Variants in ZFAT observed in about 807,000 individuals in gnomAD.
The protein encoded by ZFAT is zinc finger protein ZFAT.
Under a neutral mutation model 117.7 loss-of-function variants are expected in ZFAT, and 64 were observed. The ratio of observed to expected loss-of-function variants is 0.54; its 90% CI spans 0.44 to 0.67. ZFAT has a LOEUF of 0.67. ZFAT is among the 30% of genes least tolerant of loss of function. The pLI, the probability that ZFAT is intolerant of heterozygous loss-of-function variation, is 0.00. For missense variants in ZFAT, 1,433 were observed against 1,584.5 expected, an observed-to-expected ratio of 0.90 and a Z score of 1.62; for synonymous variants, 679 against 615.0, an observed-to-expected ratio of 1.10 and a Z score of -1.54.
At chr8:134,511,897 G>A (rs1237552241) in intron 14 of ZFAT, among the ~76,000 whole-genome samples, 2 of 152,146 alleles carry the variant, frequency 1.3e-5, no homozygotes, top group African/African-American at 4.8e-5. Flanking sequence ...TTTCAGGTCT[G>A]CAAAGTGACC....
At chr8:134,561,214 G>C (rs1259316518) in intron 11 of ZFAT, among the ~76,000 whole-genome samples, 1 of 152,198 alleles carries the variant, frequency 6.6e-6, no homozygotes, top group African/African-American at 2.4e-5. Context: ...TCATCCTTAA[G>C]CAGCCATTAA....
chr8:134,656,108 C>T (rs970677484), intron 2 of ZFAT, among the ~76,000 whole-genome samples: 4 of 152,160 alleles, frequency 2.6e-5, no homozygotes, highest in African/African-American at 9.7e-5. Context: ...CACAAAGCTT[C>T]TGGCCAGGGG....
At chr8:134,635,797 T>G (rs2028556) in intron 3 of ZFAT, among the ~76,000 whole-genome samples, 1 of 151,952 alleles carries the variant, frequency 6.6e-6, no homozygotes, top group African/African-American at 2.4e-5. Flanking sequence ...TCCTTCCTCT[T>G]TCAACCATCT....
intron 8 of ZFAT, among the ~76,000 whole-genome samples, chr8:134,589,054 G>C (rs1260506930): frequency 6.6e-6 from 1 of 152,238 alleles, no homozygotes; most frequent in Non-Finnish European, 1.5e-5. Context: ...ACAAAATGTG[G>C]ATAACTGTGG....
At chr8:134,555,579 T>C (rs1823516743) in intron 11 of ZFAT, among the ~76,000 whole-genome samples, 1 of 152,088 alleles carries the variant, frequency 6.6e-6, no homozygotes, top group Admixed American at 6.5e-5. Context: ...CAGTCTACTG[T>C]TTTTTCACAT....
At chr8:134,584,146 A>T in intron 9 of ZFAT, 141 bp from the exon 10 acceptor site, 1 of 981,752 alleles carries the variant, frequency 1.0e-6, no homozygotes, top group Admixed American at 2.8e-5. Context: ...ACACAGCAGT[A>T]TACTTGCTTG....
intron 1 of ZFAT, among the ~76,000 whole-genome samples, chr8:134,695,816 A>G (rs10108317): frequency 7.3e-6 from 1 of 137,632 alleles, no homozygotes; most frequent in African/African-American, 2.8e-5. Context: ...CCAGGCCCTG[A>G]CTGCGTCTCT....
the ZFAT span, among the ~76,000 whole-genome samples, chr8:134,728,350 G>A: frequency 1.3e-5 from 2 of 151,956 alleles, no homozygotes; most frequent in Non-Finnish European, 2.9e-5. Flanking sequence ...TACGCAAGCA[G>A]ATATAGAAAC....
intron 3 of ZFAT, among the ~76,000 whole-genome samples, chr8:134,633,693 G>A (rs530985491): frequency 6.6e-6 from 1 of 152,324 alleles, no homozygotes; most frequent in African/African-American, 2.4e-5. Flanking sequence ...TGTGACCAAA[G>A]CCAACGGCTG....
At position 134,509,708 on chromosome 8, in the gene ZFAT, T is replaced by A. The variant is rs754448229; in HGVS notation, c.3403A>T (p.Ile1135Phe). The change falls in exon 15 of 16, where the codon ATC becomes TTC. Residue 1135 changes from isoleucine (I) to phenylalanine (F), a missense_variant. Coordinates refer to ENST00000377838, the MANE Select transcript of ZFAT (RefSeq NM_020863.4). ...DPTAVNILQQ[I>F]IELGAETHDA... is the part of the protein sequence containing the mutation. ...TGGGTCTCGGCGCCCAGCTCAATGATCTGCTGCAGGATGTTCACGGCCGTG... is the reference window on the plus strand; with the variant it reads ...TGGGTCTCGGCGCCCAGCTCAATGAACTGCTGCAGGATGTTCACGGCCGTG... 1 of 1,611,098 alleles carries A rather than the reference T, an allele frequency of 6.2e-7. No homozygotes were observed. The highest frequency in any genetic ancestry group is 8.5e-7 in the Non-Finnish European group (1 of 1,179,162).
At chr8:134,724,383 G>A in the ZFAT span, among the ~76,000 whole-genome samples, 2 of 152,154 alleles carry the variant, frequency 1.3e-5, no homozygotes, top group African/African-American at 2.4e-5. Context: ...CAGAAAGAAC[G>A]CATGCCCCTG....
At chr8:134,735,679 G>A in the ZFAT span, among the ~76,000 whole-genome samples, 5 of 152,066 alleles carry the variant, frequency 3.3e-5, no homozygotes, top group Admixed American at 2.6e-4. Context: ...GAGTGGGATT[G>A]TGTTTCATTT....
chr8:134,488,093 A>G (rs980941851), intron 15 of ZFAT, among the ~76,000 whole-genome samples: 3 of 152,226 alleles, frequency 2.0e-5, no homozygotes, highest in African/African-American at 7.2e-5. Context: ...AGGGTAGCTC[A>G]GGCACTGCGG....
At chr8:134,622,721 A>C (rs532526612) in intron 3 of ZFAT, among the ~76,000 whole-genome samples, 1 of 152,112 alleles carries the variant, frequency 6.6e-6, no homozygotes, top group East Asian at 1.9e-4. Context: ...ACTGGGTTTG[A>C]CCAGTGGAGG....
intron 11 of ZFAT, among the ~76,000 whole-genome samples, chr8:134,562,939 A>G (rs576661303): frequency 6.6e-5 from 10 of 152,328 alleles, no homozygotes; most frequent in South Asian, 4.1e-4. Flanking sequence ...CACAGTGTAA[A>G]CCAAGGAATG....
intron 3 of ZFAT, among the ~76,000 whole-genome samples, chr8:134,632,756 CA>C (rs1255346567): frequency 6.6e-6 from 1 of 151,816 alleles, no homozygotes; most frequent in African/African-American, 2.4e-5. Flanking sequence ...AATTAAAAGA[CA>C]AATGACAAAT....
chr8:134,527,044 C>T (rs1046304650), intron 12 of ZFAT, among the ~76,000 whole-genome samples: 5 of 151,076 alleles, frequency 3.3e-5, no homozygotes, highest in South Asian at 2.1e-4. Context: ...CTGGTTTCTC[C>T]GAGTGGGCCT....
At chr8:134,782,976 A>ACT in the ZFAT span, among the ~76,000 whole-genome samples, 1 of 150,540 alleles carries the variant, frequency 6.6e-6, no homozygotes, top group Non-Finnish European at 1.5e-5. Flanking sequence ...CAAATATGTA[A>ACT]ATATATATAT....
In ZFAT at chr8:134,602,021, C is replaced by T; in HGVS notation, c.1698G>A (p.Gln566=). The change falls in exon 6 of 16, where the codon CAG becomes CAA. Residue 566 remains glutamine (Q), a synonymous_variant. Transcript: ENST00000377838. ...AGGGTGGCAGGGCTGTGCTTTCGGC[C>T]TGCGGGGAGGCCAGGTGCACAGCTG... ...PAPAVHLASP[Q]AESTALPPCE... is the part of the protein sequence containing the mutation. 1 of 1,612,540 alleles carries T rather than the reference C, an allele frequency of 6.2e-7. No homozygotes were observed. The highest frequency in any genetic ancestry group is 1.1e-5 in the South Asian group (1 of 91,024).
Sources: gnomAD v4.1 joint callset for allele counts (sites outside exome capture counted in the v4.1 genomes callset) on GRCh38, gnomAD v4.1.1 for gene constraint, MANE v1.5 for transcripts, NCBI Gene and HGNC (gene_info 2026-07-23, HGNC 2026-07-21) for gene names.